Variants in WRN observed in about 807,000 individuals in gnomAD.
WRN encodes the protein bifunctional 3'-5' exonuclease/ATP-dependent helicase WRN.
WRN carries 149 observed loss-of-function variants against 180.7 expected under a neutral mutation model. The ratio of observed to expected loss-of-function variants is 0.82; its 90% CI spans 0.72 to 0.94. The LOEUF is 0.94. Among genes scored for constraint, WRN ranks in the 40% least tolerant of loss-of-function variants. The pLI is 0.00. For synonymous variants in WRN, 548 were observed against 568.9 expected, an observed-to-expected ratio of 0.96 and a Z score of 0.52; for missense variants, 1,661 against 1,700.1, an observed-to-expected ratio of 0.98 and a Z score of 0.40.
At chr8:31,107,624 T>G (rs1801147457) in intron 18 of WRN, among the ~76,000 whole-genome samples, 1 of 152,200 alleles carries the variant, frequency 6.6e-6, no homozygotes, top group Non-Finnish European at 1.5e-5. Context: ...TTCTCACTGT[T>G]CTTGGTGCTT....
chr8:31,167,165 C>T lies in WRN; in HGVS notation c.4126C>T (p.Pro1376Ser), dbSNP rs1554538654. The change falls in exon 34 of 35, where the codon CCC becomes TCC. Residue 1376 changes from proline (P) to serine (S), a missense_variant. Transcript: ENST00000298139. ...TGATGTCAACAAAAGGAGATGTTTT[C>T]CCGGTTCTGAAGAGATCTGTTCAAG... ...SCDVNKRRCF[P>S]GSEEICSSSK... 1.2e-6 allele frequency: 2 copies of T among 1,613,218 alleles called. No homozygotes were observed. The highest frequency in any genetic ancestry group is 1.7e-6 in the Non-Finnish European group (2 of 1,179,410).
At position 31,175,977 on chromosome 8, in the gene WRN, T is replaced by G. The variant is rs975242575; in HGVS notation, c.*2875T>G. ...ATAACCCATATTAATAAAAGCTCTT[T>G]GGGGTCCTCAGTGATTTTTTTTTAA... On this transcript the variant is annotated 3_prime_UTR_variant, in exon 35 of 35. Coordinates refer to ENST00000298139, the MANE Select transcript of WRN (RefSeq NM_000553.6). 6.6e-6 allele frequency among the ~76,000 whole-genome samples: 1 copy of G among 151,990 alleles called. No individual in the cohort carries two copies. Among genetic ancestry groups the G allele is most frequent in the Non-Finnish European group, 1.5e-5 (1 of 68,040 alleles).
intron 9 of WRN, among the ~76,000 whole-genome samples, chr8:31,083,185 T>C (rs1429390091): frequency 6.6e-6 from 1 of 152,228 alleles, no homozygotes; most frequent in Admixed American, 6.5e-5. Context: ...ATAGACTGAA[T>C]AAATAACATC....
rs2130031812 is a variant in WRN, at chr8:31,064,273, A to AT, written c.210-11dup. The AT allele has an allele frequency of 1.9e-6, 3 of 1,613,620 alleles. No homozygotes were observed. The East Asian group carries it at 6.7e-5, about 36-fold the overall frequency. Reference sequence around the variant, plus strand: ...ATTTTAACATAAATTAATTTACACTATTTTTCTCACTTTAGCATGAGTCTA... The same window carrying AT: ...ATTTTAACATAAATTAATTTACACTATTTTTTCTCACTTTAGCATGAGTCTA... On this transcript the variant is annotated splice_polypyrimidine_tract_variant and intron_variant, in intron 3 of 34. Transcript: ENST00000298139.
intron 29 of WRN, 47 bp downstream of exon 29, chr8:31,147,175 G>A (rs2130439894): frequency 1.3e-6 from 2 of 1,569,312 alleles, no homozygotes; most frequent in East Asian, 4.5e-5. Context: ...GGATAGTTAT[G>A]ATTCTATGTA....
chr8:31,050,633 T>G (rs371971223), intron 1 of WRN, among the ~76,000 whole-genome samples: 2 of 152,056 alleles, frequency 1.3e-5, no homozygotes, highest in Admixed American at 6.5e-5. Flanking sequence ...TAGAGCAGTC[T>G]GCATAACTTT....
At chr8:31,089,905 G>A (rs888547869) in intron 13 of WRN, among the ~76,000 whole-genome samples, 1 of 151,786 alleles carries the variant, frequency 6.6e-6, no homozygotes, top group African/African-American at 2.4e-5. Context: ...GCATCTCAGG[G>A]TCAATCGAGG....
intron 33 of WRN, among the ~76,000 whole-genome samples, chr8:31,161,412 G>C (rs1402895436): frequency 6.6e-6 from 1 of 152,160 alleles, no homozygotes; most frequent in African/African-American, 2.4e-5. Context: ...AGGCTGTACG[G>C]TATAGCTCCT....
intron 8 of WRN, among the ~76,000 whole-genome samples, chr8:31,077,442 C>T (rs962934911): frequency 2.6e-5 from 4 of 151,986 alleles, no homozygotes; most frequent in Admixed American, 6.6e-5. Flanking sequence ...CGGGGTTTCA[C>T]CGTGTTAGCC....
At chr8:31,114,681 T>C (rs1410586217) in intron 19 of WRN, among the ~76,000 whole-genome samples, 1 of 152,148 alleles carries the variant, frequency 6.6e-6, no homozygotes, top group African/African-American at 2.4e-5. Flanking sequence ...ACTGTGCAGA[T>C]ATATAGTTGC....
chr8:31,121,804 A>G (rs1283331206), intron 21 of WRN, among the ~76,000 whole-genome samples: 1 of 152,024 alleles, frequency 6.6e-6, no homozygotes, highest in Admixed American at 6.6e-5. Context: ...TTCTTAACAT[A>G]GAAGATGACA....
intron 24 of WRN, among the ~76,000 whole-genome samples, chr8:31,133,509 A>G (rs1033570851): frequency 1.3e-5 from 2 of 152,038 alleles, no homozygotes; most frequent in African/African-American, 4.8e-5. Flanking sequence ...TGCGCGACAG[A>G]GCAAGATTCT....
chr8:31,131,681 A>G (rs1349398385), intron 23 of WRN: 1 of 152,934 alleles, frequency 6.5e-6, no homozygotes, highest in Non-Finnish European at 1.5e-5. Flanking sequence ...GCCCCTTACA[A>G]TAGGCTTTCA....
chr8:31,054,337 C>T (rs534881162), intron 1 of WRN, among the ~76,000 whole-genome samples: 12 of 152,152 alleles, frequency 7.9e-5, no homozygotes, highest in East Asian at 1.9e-4. Context: ...GATTAATTTT[C>T]GTTTCCATAC....
In WRN at chr8:31,107,095, C is replaced by T. The variant is rs142451158; in HGVS notation, c.2089-4520C>T. On this transcript the variant is annotated intron_variant, in intron 18 of 34. Transcript: ENST00000298139. ...ATAGTTCAGTAAAGGAGTTTAGATT[C>T]ATACCTATAACAGTAGAAGTAATAG... Among the ~76,000 whole-genome samples, 338 of 152,288 alleles carry T rather than the reference C, an allele frequency of 2.2e-3. 1 individual carries two copies. Among genetic ancestry groups the T allele is most frequent in the Non-Finnish European group, 2.2e-3 (153 of 68,030 alleles).
Position 31,142,636 on chromosome 8 carries a change from G to T in WRN, c.3244G>T (p.Val1082Leu). Residue 1082 changes from valine to leucine, a missense_variant, in exon 27 of 35, where the codon GTA becomes TTA. Physicochemically the swap from Val to Leu is conservative, Grantham distance 32. Transcript: ENST00000298139. ...TTTATTATTTTTTAGTTCGAAAACT[G>T]TATCTTCGGGCACCAAAGAGCATTG... ...KKLLLPSSKTVSSGTKEHCYN... is the reference protein window; with the variant it reads ...KKLLLPSSKTLSSGTKEHCYN... 1 of 1,598,598 alleles carries T rather than the reference G, an allele frequency of 6.3e-7. No individual in the cohort carries two copies. Among genetic ancestry groups the T allele is most frequent in the South Asian group, 1.2e-5 (1 of 86,212 alleles).
chr8:31,093,939 A>G (rs986226469), intron 16 of WRN, among the ~76,000 whole-genome samples: 1 of 152,228 alleles, frequency 6.6e-6, no homozygotes, highest in Non-Finnish European at 1.5e-5. Flanking sequence ...TTAATAGTTC[A>G]TTCCTCTTAT....
At chr8:31,154,819 T>G in intron 32 of WRN, 64 bp downstream of exon 32, 12 of 1,592,868 alleles carry the variant, frequency 7.5e-6, no homozygotes, top group Middle Eastern at 1.7e-4. Context: ...TTTTATCAGC[T>G]TTTTAGTATT....
chr8:31,110,564 C>A (rs1028671539), intron 18 of WRN, among the ~76,000 whole-genome samples: 11 of 151,950 alleles, frequency 7.2e-5, no homozygotes, highest in African/African-American at 2.7e-4. Context: ...ATAAATTGAT[C>A]TTGTTTTAAT....
Sources: gnomAD v4.1 joint callset for allele counts (sites outside exome capture counted in the v4.1 genomes callset) on GRCh38, gnomAD v4.1.1 for gene constraint, MANE v1.5 for transcripts, NCBI Gene and HGNC (gene_info 2026-07-23, HGNC 2026-07-21) for gene names.